TARS1: variants seen among roughly 807,000 people sequenced by gnomAD.
TARS1 encodes threonyl-tRNA synthetase 1.
In TARS1, 57 loss-of-function variants were observed where a neutral mutation model predicts 97.7. That is an observed-to-expected ratio of 0.58 (90% CI 0.47 to 0.73). The LOEUF is 0.73. Among genes scored for constraint, TARS1 ranks in the 30% least tolerant of loss-of-function variants. The pLI, the probability that TARS1 is intolerant of heterozygous loss-of-function variation, is 0.00. For synonymous variants in TARS1, 312 were observed against 293.7 expected, an observed-to-expected ratio of 1.06 and a Z score of -0.64; for missense variants, 806 against 888.3, an observed-to-expected ratio of 0.91 and a Z score of 1.18.
In TARS1 at chr5:33,441,141, C is replaced by T; in HGVS notation, c.55C>T (p.Pro19Ser). The T allele has an allele frequency of 6.2e-7, 1 of 1,614,132 alleles. No homozygotes were observed. The change falls in exon 1 of 19, where the codon CCG becomes TCG. Residue 19 changes from proline to serine, a missense_variant and splice_region_variant. Coordinates refer to ENST00000265112, the MANE Select transcript of TARS1 (RefSeq NM_152295.5). The stretch of plus-strand genomic sequence containing the variant: ...AGGGAAGATGGGAGGCGAGGAGAAG[C>T]CGGTGAGCAAACTTGGTGGGACCCA... ...PSGKMGGEEK[P>S]IGAGEEKQKE...
At position 33,444,239 on chromosome 5, in the gene TARS1, G is replaced by A. The variant is rs1377779735; in HGVS notation, c.58-1085G>A. Reference sequence around the variant, plus strand: ...AGAAACAGAAACTAGGTTAATGGTTGCCAGGGTCTGGAGATGAAGGCAACA... The same window carrying A: ...AGAAACAGAAACTAGGTTAATGGTTACCAGGGTCTGGAGATGAAGGCAACA... On this transcript the variant is annotated intron_variant, in intron 1 of 18. Transcript: ENST00000265112. 2.0e-5 allele frequency among the ~76,000 whole-genome samples: 3 copies of A among 152,226 alleles called. No individual in the cohort carries two copies. The East Asian group carries it at 5.8e-4, about 29-fold the overall frequency.
intron 3 of TARS1, among the ~76,000 whole-genome samples, chr5:33,451,010 A>G (rs1292123898): frequency 6.6e-6 from 1 of 152,154 alleles, no homozygotes; most frequent in Non-Finnish European, 1.5e-5. Context: ...AACTACTTGG[A>G]GGCTGAGGTG....
Position 33,457,300 on chromosome 5 carries a change from T to C in TARS1, c.881T>C (p.Leu294Pro). The C allele has an allele frequency of 6.2e-7, 1 of 1,614,190 alleles. No individual in the cohort carries two copies. Residue 294 changes from leucine to proline, a missense_variant, in exon 9 of 19, where the codon CTC becomes CCC. By Grantham distance (98) the Leu-to-Pro change is moderately conservative (BLOSUM62 -3). Coordinates refer to ENST00000265112, the MANE Select transcript of TARS1 (RefSeq NM_152295.5). ...YWEGKADMETLQRIYGISFPD... is the reference protein window; with the variant it reads ...YWEGKADMETPQRIYGISFPD... Reference sequence around the variant, plus strand: ...GAAGGCAAAGCAGATATGGAGACTCTCCAGAGAATTTATGGCATTTCATTC... The same window carrying C: ...GAAGGCAAAGCAGATATGGAGACTCCCCAGAGAATTTATGGCATTTCATTC...
intron 3 of TARS1, among the ~76,000 whole-genome samples, chr5:33,451,569 T>A (rs951860409): frequency 6.6e-6 from 1 of 152,018 alleles, no homozygotes; most frequent in Non-Finnish European, 1.5e-5. Flanking sequence ...GAGACGGGGT[T>A]TCACTGTGTT....
intron 3 of TARS1, among the ~76,000 whole-genome samples, chr5:33,452,153 C>A (rs1741774501): frequency 6.6e-6 from 1 of 152,144 alleles, no homozygotes; most frequent in Non-Finnish European, 1.5e-5. Flanking sequence ...ACACAGCAAG[C>A]CTGGCTAGCT....
chr5:33,451,464 TC>T (rs904708532), intron 3 of TARS1, among the ~76,000 whole-genome samples: 46 of 151,952 alleles, frequency 3.0e-4, no homozygotes, highest in Non-Finnish European at 1.9e-4. Context: ...AAGCTCCGCT[TC>T]CTGGGTTGAC....
At chr5:33,465,702 CAA>C (rs1466212262) in intron 17 of TARS1, among the ~76,000 whole-genome samples, 2 of 152,122 alleles carry the variant, frequency 1.3e-5, no homozygotes, top group Admixed American at 6.5e-5. Flanking sequence ...ACAGTATAGG[CAA>C]AGTCACTTAG....
At chr5:33,450,842 T>A (rs1257026882) in intron 3 of TARS1, among the ~76,000 whole-genome samples, 1 of 152,228 alleles carries the variant, frequency 6.6e-6, no homozygotes, top group Non-Finnish European at 1.5e-5. Context: ...TAGCTGGGCG[T>A]GTTGGCTCAC....
chr5:33,462,442 G>A (rs1285471116), intron 16 of TARS1, among the ~76,000 whole-genome samples: 2 of 152,168 alleles, frequency 1.3e-5, no homozygotes, highest in Admixed American at 6.5e-5. Flanking sequence ...TGGATGTTGT[G>A]TAATACTTTC....
At position 33,457,423 on chromosome 5, in the gene TARS1, T is replaced by A. The variant is rs759191325; in HGVS notation, c.984+20T>A. 2 of 1,610,776 alleles carry A rather than the reference T, an allele frequency of 1.2e-6. No homozygotes were observed. Among genetic ancestry groups the A allele is most frequent in the South Asian group, 2.2e-5 (2 of 90,534 alleles). On this transcript the variant is annotated intron_variant, in intron 9 of 18. Coordinates refer to ENST00000265112, the MANE Select transcript of TARS1 (RefSeq NM_152295.5). ...GGCAGGGTATGTTCAAGAACAATGA[T>A]GTGTCTTGACTGAGTTTTCTTCAAC...
intron 17 of TARS1, among the ~76,000 whole-genome samples, chr5:33,465,400 C>T (rs570862369): frequency 2.6e-5 from 4 of 152,282 alleles, no homozygotes; most frequent in South Asian, 2.1e-4. Flanking sequence ...GGCAGTACTC[C>T]TGATACCTAA....
chr5:33,449,358 T>TATATATATATATATAG (rs59141272), intron 3 of TARS1, among the ~76,000 whole-genome samples: 42 of 146,478 alleles, frequency 2.9e-4, no homozygotes, highest in African/African-American at 1.1e-3. Flanking sequence ...TATATATATA[T>TATATATATATATATAG]CTTAAACTGG....
intron 3 of TARS1, among the ~76,000 whole-genome samples, chr5:33,450,039 G>C (rs945595408): frequency 1.2e-4 from 18 of 152,170 alleles, no homozygotes; most frequent in Middle Eastern, 6.3e-3. Context: ...CATACGAGAA[G>C]TAGTCTGAGC....
At chr5:33,447,579 T>A (rs1303236123) in intron 2 of TARS1, among the ~76,000 whole-genome samples, 1 of 152,202 alleles carries the variant, frequency 6.6e-6, no homozygotes, top group East Asian at 1.9e-4. Flanking sequence ...GATATTCCCT[T>A]GTACTCCTTT....
chr5:33,444,955 G>GTT (rs200841623), intron 1 of TARS1, among the ~76,000 whole-genome samples: 5 of 145,356 alleles, frequency 3.4e-5, no homozygotes, highest in Admixed American at 6.9e-5. Flanking sequence ...TTTGCATTCA[G>GTT]TTTTTTTTTT....
chr5:33,457,551 T>C (rs774228250), intron 9 of TARS1, 148 bp downstream of exon 9: 49 of 806,424 alleles, frequency 6.1e-5, no homozygotes, highest in Non-Finnish European at 9.1e-5. Context: ...GTACAAACTA[T>C]AAACACTTAC....
intron 3 of TARS1, among the ~76,000 whole-genome samples, chr5:33,451,949 A>G (rs1365767706): frequency 6.6e-6 from 1 of 152,230 alleles, no homozygotes; most frequent in African/African-American, 2.4e-5. Context: ...TGTGAAATGC[A>G]TGTATTTATT....
At chr5:33,462,576 T>C (rs1742346602) in intron 16 of TARS1, among the ~76,000 whole-genome samples, 1 of 152,322 alleles carries the variant, frequency 6.6e-6, no homozygotes, top group Admixed American at 6.5e-5. Context: ...GCTTATGGCT[T>C]TCTTCGTTCA....
chr5:33,461,120 A>G (rs367841347), intron 12 of TARS1, 38 bp from the exon 13 acceptor site: 40 of 1,604,834 alleles, frequency 2.5e-5, no homozygotes, highest in Non-Finnish European at 3.2e-5. Flanking sequence ...AGTCAAGGAA[A>G]ATAACTACTG....
Sources: allele counts gnomAD v4.1 joint callset (sites outside exome capture counted in the v4.1 genomes callset), GRCh38; gene constraint gnomAD v4.1.1; transcripts MANE v1.5; gene names NCBI Gene and HGNC (gene_info 2026-07-23, HGNC 2026-07-21).